The following WDR27 variants were observed in gnomAD, a reference collection of about 807,000 sequenced individuals.
The protein encoded by WDR27 is WD repeat-containing protein 27.
Under a neutral mutation model 114.4 loss-of-function variants are expected in WDR27, and 100 were observed. The ratio of observed to expected loss-of-function variants is 0.87; its 90% CI spans 0.74 to 1.03. The LOEUF is 1.03. Among genes scored for constraint, WDR27 ranks in the 50% least tolerant of loss-of-function variants. The pLI, the probability that WDR27 is intolerant of heterozygous loss-of-function variation, is 0.00. For missense variants in WDR27, 1,129 were observed against 1,092.9 expected, an observed-to-expected ratio of 1.03 and a Z score of -0.47; for synonymous variants, 449 against 423.1, an observed-to-expected ratio of 1.06 and a Z score of -0.75.
At chr6:169,623,630 G>A (rs570340301) in intron 21 of WDR27, among the ~76,000 whole-genome samples, 3 of 152,300 alleles carry the variant, frequency 2.0e-5, no homozygotes, top group African/African-American at 7.2e-5. Flanking sequence ...GAGCCATGGT[G>A]GGGGAGCATC....
intron 22 of WDR27, among the ~76,000 whole-genome samples, chr6:169,603,181 G>A (rs1448598578): frequency 5.3e-5 from 7 of 130,980 alleles, no homozygotes; most frequent in South Asian, 2.4e-4. Flanking sequence ...ACAGAGTCTC[G>A]CTCTGTCACC....
chr6:169,542,042 T>C (rs984081610), intron 25 of WDR27, among the ~76,000 whole-genome samples: 2 of 152,160 alleles, frequency 1.3e-5, no homozygotes, highest in African/African-American at 4.8e-5. Flanking sequence ...TTTAGACATT[T>C]GCAGAAATCC....
chr6:169,445,904 G>T, the WDR27 span, among the ~76,000 whole-genome samples: 7 of 152,232 alleles, frequency 4.6e-5, no homozygotes, highest in Non-Finnish European at 1.0e-4. Context: ...GCTGGGTGGG[G>T]TGGGGGGAGG....
intron 9 of WDR27, 122 bp from the exon 10 acceptor site, chr6:169,660,888 C>T: frequency 2.5e-6 from 2 of 800,538 alleles, no homozygotes; most frequent in South Asian, 3.4e-5. Context: ...GGCGTTGGGC[C>T]CCACGTGCGC....
intron 16 of WDR27, 125 bp from the exon 17 acceptor site, chr6:169,643,911 AG>A (rs1819803783): frequency 1.5e-6 from 1 of 682,990 alleles, no homozygotes; most frequent in Admixed American, 2.9e-5. Flanking sequence ...GTCACACTGT[AG>A]AAAAGCCTAG....
chr6:169,655,704 G>A (rs1823972532), intron 13 of WDR27, among the ~76,000 whole-genome samples: 2 of 152,166 alleles, frequency 1.3e-5, no homozygotes, highest in African/African-American at 2.4e-5. Context: ...ACTGAAGGGT[G>A]AGCAGGGCAG....
chr6:169,615,494 G>A (rs886083052), intron 21 of WDR27, among the ~76,000 whole-genome samples: 8 of 152,024 alleles, frequency 5.3e-5, no homozygotes, highest in Admixed American at 2.6e-4. Flanking sequence ...ACCTACGACC[G>A]ACTGATATTC....
intron 25 of WDR27, among the ~76,000 whole-genome samples, chr6:169,553,392 C>T (rs753514792): frequency 6.6e-6 from 1 of 152,150 alleles, no homozygotes; most frequent in East Asian, 1.9e-4. Context: ...ATAAAATATT[C>T]TCTGCCAAAT....
Position 169,556,988 on chromosome 6 carries a change from A to C in WDR27, c.2645+15431T>G, listed in dbSNP as rs1798983992. The stretch of plus-strand genomic sequence containing the variant: ...GTCAAGATGTACAACCCCATGCAAA[A>C]CTGAGAGGCAGTTACGTTGCGGTTA... On this transcript the variant is annotated intron_variant, in intron 25 of 25. Coordinates refer to ENST00000448612, the MANE Select transcript of WDR27 (RefSeq NM_182552.5). 2.0e-5 allele frequency among the ~76,000 whole-genome samples: 3 copies of C among 152,218 alleles called. No individual in the cohort carries two copies. In the South Asian group the frequency reaches 6.2e-4, roughly 32 times the overall value.
intron 21 of WDR27, among the ~76,000 whole-genome samples, chr6:169,631,275 G>C (rs2128214561): frequency 6.6e-6 from 1 of 152,108 alleles, no homozygotes; most frequent in Middle Eastern, 3.4e-3. Flanking sequence ...TTTATACGCA[G>C]GAAGAGTCTA....
At chr6:169,651,611 C>A (rs1052489440) in intron 14 of WDR27, among the ~76,000 whole-genome samples, 1 of 152,156 alleles carries the variant, frequency 6.6e-6, no homozygotes, top group African/African-American at 2.4e-5. Context: ...CGTTTGTTTA[C>A]AGCATCGTCA....
chr6:169,700,402 C>T (rs1003046856), intron 1 of WDR27, among the ~76,000 whole-genome samples: 1 of 152,206 alleles, frequency 6.6e-6, no homozygotes, highest in Non-Finnish European at 1.5e-5. Flanking sequence ...AGTGCTGTTC[C>T]TTTTCCACTA....
rs76604201 is a variant in WDR27 at position 169,633,450 on chromosome 6, T to G, written c.2102-382A>C. Among the ~76,000 whole-genome samples the G allele has an allele frequency of 1.1e-3, 166 of 152,314 alleles. 1 individual carries two copies. The East Asian group carries it at 0.023, about 21-fold the overall frequency. The stretch of plus-strand genomic sequence containing the variant: ...TCAGCAGAAAGGGCTGGACTAAGAT[T>G]AGACAGATCCACAGAATGGGTGACA... On this transcript the variant is annotated intron_variant, in intron 20 of 25. Coordinates refer to ENST00000448612, the MANE Select transcript of WDR27 (RefSeq NM_182552.5).
intron 1 of WDR27, among the ~76,000 whole-genome samples, chr6:169,698,392 C>T (rs1300556238): frequency 1.3e-5 from 2 of 152,046 alleles, no homozygotes; most frequent in Admixed American, 6.6e-5. Flanking sequence ...GCAGAAACAT[C>T]GTCAGGGACA....
In WDR27 at chr6:169,624,150, GGGCGTCAGGTGTGT is replaced by G. The variant is rs376836691; in HGVS notation, c.2223+8783_2223+8796del. Among the ~76,000 whole-genome samples the G allele has an allele frequency of 1.2e-4, 15 of 120,772 alleles. No individual in the cohort carries two copies. The East Asian group carries it at 1.8e-3, about 15-fold the overall frequency. The allele number at this position is 120,772 out of a possible 152,430, so 79.2% of individuals were successfully genotyped here. A position where few individuals can be genotyped will look rare whatever the true frequency, so the allele number is the denominator to read the frequency against. ...TGTGTGGTGTCAGGTGTGCCGTGTG[GGGCGTCAGGTGTGT>G]GGCGTCAGGTGTGCAGCGTGTGGCA... On this transcript the variant is annotated intron_variant, in intron 21 of 25. Transcript: ENST00000448612.
chr6:169,535,466 G>A (rs9383492), intron 25 of WDR27, among the ~76,000 whole-genome samples: 16,926 of 152,030 alleles, frequency 0.11, 1,950 homozygotes, highest in East Asian at 0.59. Context: ...ATTCAGCAAC[G>A]AGGAAAAAAT....
chr6:169,620,240 A>C (rs1812781414), intron 21 of WDR27, among the ~76,000 whole-genome samples: 1 of 152,160 alleles, frequency 6.6e-6, no homozygotes, highest in Non-Finnish European at 1.5e-5. Flanking sequence ...CCCCCAAATC[A>C]CTAAGCCAAG....
intron 22 of WDR27, among the ~76,000 whole-genome samples, chr6:169,609,306 A>G (rs562930020): frequency 2.0e-5 from 3 of 152,216 alleles, no homozygotes; most frequent in Admixed American, 6.5e-5. Flanking sequence ...CTGACCCCAC[A>G]ATTCCCCTTT....
rs1800114289 is a variant in WDR27 at position 169,564,316 on chromosome 6, G to C, written c.2645+8103C>G. Among the ~76,000 whole-genome samples the C allele has an allele frequency of 2.0e-5, 3 of 152,188 alleles. 1 individual carries two copies. The highest frequency in any genetic ancestry group is 2.0e-4 in the Admixed American group (3 of 15,276). On this transcript the variant is annotated intron_variant, in intron 25 of 25. Coordinates refer to ENST00000448612, the MANE Select transcript of WDR27 (RefSeq NM_182552.5). ...TAGCCAAGCCGGCAGCTGATTAGAT[G>C]GTGGCCACCCACATTGAGGGTGGGC...
Sources: allele counts gnomAD v4.1 joint callset (sites outside exome capture counted in the v4.1 genomes callset), GRCh38; gene constraint gnomAD v4.1.1; transcripts MANE v1.5; gene names NCBI Gene and HGNC (gene_info 2026-07-23, HGNC 2026-07-21).